Variants in ZP4 observed in about 807,000 individuals in gnomAD.
The protein encoded by ZP4 is zona pellucida glycoprotein 4.
ZP4 carries 62 observed loss-of-function variants against 62.3 expected under a neutral mutation model. That is an observed-to-expected ratio of 0.99 (90% CI 0.81 to 1.23). ZP4 has a LOEUF of 1.23. Among genes scored for constraint, ZP4 ranks in the 50% most tolerant of loss-of-function variants. The pLI, the probability that ZP4 is intolerant of heterozygous loss-of-function variation, is 0.00. For synonymous variants in ZP4, 289 were observed against 247.3 expected, an observed-to-expected ratio of 1.17 and a Z score of -1.58; for missense variants, 774 against 656.0, an observed-to-expected ratio of 1.18 and a Z score of -1.97.
chr1:237,887,639 G>A (rs944234493), intron 4 of ZP4, 78 bp from the exon 5 acceptor site: 2 of 1,463,244 alleles, frequency 1.4e-6, no homozygotes, highest in African/African-American at 2.8e-5. Flanking sequence ...TAACCACTTA[G>A]TTACTTTTAA....
In ZP4 at chr1:237,890,724, A is replaced by G; in HGVS notation, c.-89T>C. ...TGCCTGCCCAGATTCCTTTATATACAGAAGTCAGGCTTGTTTTCAGCTGCA... is the reference window on the plus strand; with the variant it reads ...TGCCTGCCCAGATTCCTTTATATACGGAAGTCAGGCTTGTTTTCAGCTGCA... On this transcript the variant is annotated 5_prime_UTR_variant, in exon 1 of 12. Transcript: ENST00000366570. The G allele has an allele frequency of 3.5e-6, 5 of 1,442,258 alleles. No homozygotes were observed. The highest frequency in any genetic ancestry group is 1.4e-5 in the African/African-American group (1 of 69,878). 89.3% of individuals were successfully genotyped at this position (1,442,258 alleles called of 1,614,324 possible). A position where few individuals can be genotyped will look rare whatever the true frequency, so the allele number is the denominator to read the frequency against.
Position 237,882,809 on chromosome 1 carries a change from A to G in ZP4, c.1428T>C (p.Thr476=), listed in dbSNP as rs778569581. 1.5e-5 allele frequency: 24 copies of G among 1,614,154 alleles called. No individual in the cohort carries two copies. The South Asian group carries it at 2.3e-4, about 16-fold the overall frequency. Reference sequence around the variant, plus strand: ...TGGGGCCTTTGCTAGAAACACTAGCAGTAGTGTTCTGAGAACTGTTGTCAA... The same window carrying G: ...TGGGGCCTTTGCTAGAAACACTAGCGGTAGTGTTCTGAGAACTGTTGTCAA... ...RNFDNSSQNT[T]ASVSSKGPMI... Residue 476 remains threonine, a synonymous_variant, in exon 11 of 12, where the codon ACT becomes ACC. Transcript: ENST00000366570.
intron 10 of ZP4, among the ~76,000 whole-genome samples, chr1:237,883,403 A>G (rs928159933): frequency 6.6e-6 from 1 of 151,366 alleles, no homozygotes; most frequent in African/African-American, 2.4e-5. Flanking sequence ...GGCAACATAA[A>G]GATCCATCTC....
intron 9 of ZP4, 116 bp downstream of exon 9, chr1:237,885,049 G>C: frequency 6.9e-7 from 1 of 1,440,974 alleles, no homozygotes; most frequent in Non-Finnish European, 9.5e-7. Flanking sequence ...CTCTGAGTCA[G>C]TACCAATAGC....
chr1:237,882,721 T>A (rs1664944795), intron 11 of ZP4, 21 bp downstream of exon 11: 1 of 1,609,990 alleles, frequency 6.2e-7, no homozygotes, highest in Non-Finnish European at 8.5e-7. Context: ...TAGTTTGATC[T>A]CCTCCCTCTT....
Position 237,884,426 on chromosome 1 carries a change from ATTGC to A in ZP4, c.1390+339_1390+342del, listed in dbSNP as rs953105687. Among the ~76,000 whole-genome samples, 16 of 152,338 alleles carry A rather than the reference ATTGC, an allele frequency of 1.1e-4. No homozygotes were observed. In the South Asian group the frequency reaches 2.9e-3, roughly 28 times the overall value. ...TTCTACTTATAGATCTTTAGGCTGC[ATTGC>A]CAGACCTGTCAAGCAGGTACAGACA... On this transcript the variant is annotated intron_variant, in intron 10 of 11. Coordinates refer to ENST00000366570, the MANE Select transcript of ZP4 (RefSeq NM_021186.5).
intron 6 of ZP4, 28 bp downstream of exon 6, chr1:237,886,743 T>A: frequency 6.3e-7 from 1 of 1,597,190 alleles, no homozygotes; most frequent in Non-Finnish European, 8.6e-7. Context: ...TTATGGCAGA[T>A]GGGAAGTCAT....
intron 6 of ZP4, 50 bp downstream of exon 6, chr1:237,886,721 A>C: frequency 6.6e-7 from 1 of 1,511,598 alleles, no homozygotes; most frequent in South Asian, 1.1e-5. Context: ...GGCTTACCTG[A>C]GAATGCCCAC....
intron 10 of ZP4, 106 bp downstream of exon 10, chr1:237,884,663 A>G: frequency 9.7e-7 from 1 of 1,030,520 alleles, no homozygotes; most frequent in Non-Finnish European, 1.4e-6. Flanking sequence ...GAGAAGCCTT[A>G]GTAAGATGAA....
At chr1:237,889,996 G>A (rs1197380853) in intron 2 of ZP4, 27 bp from the exon 3 acceptor site, 2 of 1,614,170 alleles carry the variant, frequency 1.2e-6, no homozygotes, top group Non-Finnish European at 1.7e-6. Context: ...TTGGGGGTCA[G>A]CCTGGATGGT....
chr1:237,884,726 C>T, intron 10 of ZP4, 43 bp downstream of exon 10: 1 of 1,574,404 alleles, frequency 6.4e-7, no homozygotes, highest in Non-Finnish European at 8.7e-7. Context: ...ACATGGGACT[C>T]AAGATTCATT....
intron 3 of ZP4, 28 bp downstream of exon 3, chr1:237,889,839 C>G: frequency 1.9e-6 from 3 of 1,583,336 alleles, no homozygotes; most frequent in Non-Finnish European, 2.6e-6. Context: ...ACCACCCCCA[C>G]AAGACCCTGA....
chr1:237,885,207 G>A lies in ZP4; in HGVS notation c.1269C>T (p.Ser423=), dbSNP rs1189907646. Residue 423 remains serine (S), a synonymous_variant, in exon 9 of 12, where the codon AGC becomes AGT. Transcript: ENST00000366570. ...GTTTCTCCACTGTAGGGTTCACAAA[G>A]CTGAAGGTGAAGATGCTGAAGCGCT... ...HHQRFSIFTF[S]FVNPTVEKQA... is the part of the protein sequence containing the mutation. 2.2e-5 allele frequency: 36 copies of A among 1,614,164 alleles called. No homozygotes were observed. The highest frequency in any genetic ancestry group is 3.0e-5 in the Non-Finnish European group (35 of 1,180,034).
chr1:237,886,704 G>T, intron 6 of ZP4, 67 bp downstream of exon 6: 1 of 1,351,534 alleles, frequency 7.4e-7, no homozygotes, highest in Non-Finnish European at 1.0e-6. Flanking sequence ...CTCATTTGTG[G>T]ATTCAGGGCT....
At chr1:237,888,741 A>G (rs7534168) in intron 3 of ZP4, among the ~76,000 whole-genome samples, 4,035 of 152,314 alleles carry the variant, frequency 0.026, 186 homozygotes, top group African/African-American at 0.09. Flanking sequence ...TTTTTTAAAA[A>G]CAAGAATGTC....
Position 237,882,829 on chromosome 1 carries a change from T to G in ZP4, c.1408A>C (p.Asn470His), listed in dbSNP as rs140641311. ...PDLSRRRNFD[N>H]SSQNTTASVS... The stretch of plus-strand genomic sequence containing the variant: ...CTAGCAGTAGTGTTCTGAGAACTGT[T>G]GTCAAAATTTCTTCTTCCTGTTAGA... Residue 470 changes from asparagine (N) to histidine (H), a missense_variant, in exon 11 of 12, where the codon AAC becomes CAC. By Grantham distance (68) the Asn-to-His change is moderately conservative (BLOSUM62 1). Coordinates refer to ENST00000366570, the MANE Select transcript of ZP4 (RefSeq NM_021186.5). 4.6e-5 allele frequency: 75 copies of G among 1,613,604 alleles called. No individual in the cohort carries two copies. The African/African-American group carries it at 8.7e-4, about 19-fold the overall frequency.
chr1:237,885,920 T>A, intron 6 of ZP4, 34 bp from the exon 7 acceptor site: 1 of 1,612,572 alleles, frequency 6.2e-7, no homozygotes. Flanking sequence ...TAGTTGGTTG[T>A]GGGAAGTGGG....
At chr1:237,889,756 C>T in intron 3 of ZP4, 111 bp downstream of exon 3, 2 of 938,142 alleles carry the variant, frequency 2.1e-6, no homozygotes, top group East Asian at 4.8e-5. Flanking sequence ...CATGATCCTT[C>T]CTTCATTAGT....
chr1:237,888,532 G>A (rs1289862437), intron 3 of ZP4, 22 bp from the exon 4 acceptor site: 1 of 1,577,000 alleles, frequency 6.3e-7, no homozygotes. Flanking sequence ...AAAAGAGTAA[G>A]TCAGGTTAGA....
Sources: allele counts gnomAD v4.1 joint callset (sites outside exome capture counted in the v4.1 genomes callset), GRCh38; gene constraint gnomAD v4.1.1; transcripts MANE v1.5; gene names NCBI Gene and HGNC (gene_info 2026-07-23, HGNC 2026-07-21).